TMEM135: variants seen among roughly 807,000 people sequenced by gnomAD.
The protein encoded by TMEM135 is transmembrane protein 135, also known as peroxisomal membrane protein 52.
A neutral mutation model predicts 60.3 loss-of-function variants in TMEM135; 30 were observed. The ratio of observed to expected loss-of-function variants is 0.50; its 90% CI spans 0.37 to 0.68. The LOEUF is 0.68. Among genes scored for constraint, TMEM135 ranks in the 30% least tolerant of loss-of-function variants. TMEM135 has a pLI of 0.00. For missense variants in TMEM135, 468 were observed against 548.8 expected, an observed-to-expected ratio of 0.85 and a Z score of 1.47; for synonymous variants, 190 against 186.7, an observed-to-expected ratio of 1.02 and a Z score of -0.14.
intron 4 of TMEM135, among the ~76,000 whole-genome samples, chr11:87,102,714 GTATATATATATATGTA>G (rs1178970910): frequency 3.1e-5 from 3 of 97,882 alleles, no homozygotes; most frequent in Admixed American, 1.3e-4. Context: ...GTATATATAT[GTATATATATATATGTA>G]TATATATATG....
chr11:87,151,916 T>C (rs1272722497), intron 4 of TMEM135, among the ~76,000 whole-genome samples: 2 of 152,206 alleles, frequency 1.3e-5, no homozygotes, highest in Non-Finnish European at 2.9e-5. Context: ...CTAATTATCC[T>C]ACCTCTGTTT....
chr11:87,112,687 T>G (rs565070193), intron 4 of TMEM135, among the ~76,000 whole-genome samples: 2 of 152,106 alleles, frequency 1.3e-5, no homozygotes, highest in Non-Finnish European at 1.5e-5. Flanking sequence ...TTTAAGTACT[T>G]TAGTTTTAAA....
intron 5 of TMEM135, among the ~76,000 whole-genome samples, chr11:87,161,156 C>T (rs1467548595): frequency 6.6e-6 from 1 of 152,138 alleles, no homozygotes; most frequent in Non-Finnish European, 1.5e-5. Flanking sequence ...CTTCCGCCTC[C>T]CAAAGTGTTG....
intron 6 of TMEM135, among the ~76,000 whole-genome samples, chr11:87,259,682 A>G (rs1392787200): frequency 6.6e-6 from 1 of 152,224 alleles, no homozygotes; most frequent in Non-Finnish European, 1.5e-5. Context: ...ACAGCAAAAC[A>G]GAATATTTTC....
At chr11:87,173,931 C>A (rs148245705) in intron 5 of TMEM135, among the ~76,000 whole-genome samples, 7 of 152,226 alleles carry the variant, frequency 4.6e-5, no homozygotes, top group African/African-American at 1.7e-4. Context: ...TGTTTAATCA[C>A]AAACTTGATG....
intron 5 of TMEM135, among the ~76,000 whole-genome samples, chr11:87,197,983 T>C (rs1166431281): frequency 1.3e-5 from 2 of 152,180 alleles, no homozygotes. Flanking sequence ...TGTAAATCTT[T>C]ATGGGCTACA....
At chr11:87,247,937 G>A (rs188305524) in intron 6 of TMEM135, among the ~76,000 whole-genome samples, 1,611 of 151,410 alleles carry the variant, frequency 0.011, 12 homozygotes, top group South Asian at 0.029. Flanking sequence ...GAAATCACCC[G>A]TCTTCTGCGT....
intron 6 of TMEM135, among the ~76,000 whole-genome samples, chr11:87,248,032 A>AAAAG (rs1565501785): frequency 5.5e-4 from 82 of 149,100 alleles, no homozygotes; most frequent in South Asian, 1.0e-3. Flanking sequence ...AAAAAAAAAA[A>AAAAG]AAAAAGAAAA....
intron 12 of TMEM135, 69 bp downstream of exon 12, chr11:87,314,616 A>G (rs1211449158): frequency 3.2e-6 from 4 of 1,268,358 alleles, no homozygotes; most frequent in African/African-American, 2.9e-5. Context: ...CTGTTTTAGC[A>G]GCAAATGTAT....
chr11:87,251,137 A>G (rs1447295220), intron 6 of TMEM135, among the ~76,000 whole-genome samples: 15 of 152,192 alleles, frequency 9.9e-5, no homozygotes, highest in Non-Finnish European at 2.1e-4. Flanking sequence ...TAGAGAAATA[A>G]TGGGTAACAG....
chr11:87,270,042 T>G (rs1941833388), intron 6 of TMEM135, among the ~76,000 whole-genome samples: 1 of 133,082 alleles, frequency 7.5e-6, no homozygotes, highest in African/African-American at 2.7e-5. Context: ...CCATTCTAAC[T>G]GGTGTGAGAT....
At chr11:87,208,275 C>T (rs1940282928) in intron 5 of TMEM135, among the ~76,000 whole-genome samples, 1 of 152,144 alleles carries the variant, frequency 6.6e-6, no homozygotes, top group African/African-American at 2.4e-5. Context: ...GGCAAGGAAG[C>T]TCATCAGGTT....
chr11:87,180,358 C>T (rs1031143999), intron 5 of TMEM135, among the ~76,000 whole-genome samples: 2 of 152,058 alleles, frequency 1.3e-5, no homozygotes, highest in African/African-American at 2.4e-5. Context: ...CTTTTTTCCC[C>T]CCTTTCTTGC....
intron 5 of TMEM135, among the ~76,000 whole-genome samples, chr11:87,159,283 A>G (rs1407585727): frequency 6.6e-6 from 1 of 152,202 alleles, no homozygotes; most frequent in Non-Finnish European, 1.5e-5. Context: ...AGAGCTCTGA[A>G]AATGGAATGT....
At position 87,131,292 on chromosome 11, in the gene TMEM135, CAT is replaced by C. The variant is rs575002485; in HGVS notation, c.397-26044_397-26043del. On this transcript the variant is annotated intron_variant, in intron 4 of 14. Coordinates refer to ENST00000305494, the MANE Select transcript of TMEM135 (RefSeq NM_022918.4). ...ATGGGTTTGGACAAATACATAATGTCATATATCCACCATTACGGTATCATACA... is the reference window on the plus strand; with the variant it reads ...ATGGGTTTGGACAAATACATAATGTCATATCCACCATTACGGTATCATACA... 3.8e-3 allele frequency among the ~76,000 whole-genome samples: 575 copies of C among 152,280 alleles called. 1 individual carries two copies. Among genetic ancestry groups the C allele is most frequent in the Non-Finnish European group, 6.4e-3 (436 of 68,022 alleles).
intron 1 of TMEM135, among the ~76,000 whole-genome samples, chr11:87,040,620 C>T (rs1229741791): frequency 6.6e-6 from 1 of 151,244 alleles, no homozygotes; most frequent in Non-Finnish European, 1.5e-5. Context: ...TGAGATCATG[C>T]CATTGCACTC....
intron 4 of TMEM135, among the ~76,000 whole-genome samples, chr11:87,142,899 T>C (rs186028046): frequency 1.3e-5 from 2 of 151,430 alleles, no homozygotes; most frequent in South Asian, 4.2e-4. Context: ...ATCATTTCAT[T>C]TTTTTTTTCT....
At chr11:87,270,813 G>A (rs1485600012) in intron 6 of TMEM135, among the ~76,000 whole-genome samples, 1 of 152,000 alleles carries the variant, frequency 6.6e-6, no homozygotes, top group Non-Finnish European at 1.5e-5. Flanking sequence ...TTGGCTTATA[G>A]GACTTATCAA....
chr11:87,061,600 C>A (rs1949947363), intron 1 of TMEM135, among the ~76,000 whole-genome samples: 1 of 152,190 alleles, frequency 6.6e-6, no homozygotes, highest in Non-Finnish European at 1.5e-5. Context: ...GTTTAATGAT[C>A]AAACTCGGAG....
Sources: gnomAD v4.1 joint callset for allele counts (sites outside exome capture counted in the v4.1 genomes callset) on GRCh38, gnomAD v4.1.1 for gene constraint, MANE v1.5 for transcripts, NCBI Gene and HGNC (gene_info 2026-07-23, HGNC 2026-07-21) for gene names.